PTPRD: variants seen among roughly 807,000 people sequenced by gnomAD.
The protein encoded by PTPRD is protein tyrosine phosphatase receptor type D, also known as receptor-type tyrosine-protein phosphatase delta.
Under a neutral mutation model 214.5 loss-of-function variants are expected in PTPRD, and 34 were observed. The ratio of observed to expected loss-of-function variants is 0.16; its 90% CI spans 0.12 to 0.21. PTPRD has a LOEUF of 0.21. PTPRD is among the 10% of genes least tolerant of loss of function. The probability of loss-of-function intolerance (pLI) is 1.00; values close to 1 mark genes in which losing one functional copy is unlikely to be tolerated. For missense variants in PTPRD, 2,545 were observed against 2,398.7 expected, an observed-to-expected ratio of 1.06 and a Z score of -1.27; for synonymous variants, 1,128 against 845.7, an observed-to-expected ratio of 1.33 and a Z score of -5.79.
intron 8 of PTPRD, among the ~76,000 whole-genome samples, chr9:9,485,526 C>G (rs906838601): frequency 1.3e-5 from 2 of 152,044 alleles, no homozygotes; most frequent in South Asian, 4.1e-4. Context: ...ATATAATATT[C>G]ACTGCATTTT....
In PTPRD at chr9:9,243,578, T is replaced by A. The variant is rs182422575; in HGVS notation, c.-202-60215A>T. 2.6e-5 allele frequency among the ~76,000 whole-genome samples: 4 copies of A among 152,206 alleles called. No individual in the cohort carries two copies. In the East Asian group the frequency reaches 7.8e-4, roughly 30 times the overall value. On this transcript the variant is annotated intron_variant, in intron 9 of 45. Coordinates refer to ENST00000381196, the MANE Select transcript of PTPRD (RefSeq NM_002839.4). Reference sequence around the variant, plus strand: ...CAATAGATTCAGAAAAGGCCTTCGATAAAATTCAACAATCTTCATGCTAAA... The same window carrying A: ...CAATAGATTCAGAAAAGGCCTTCGAAAAAATTCAACAATCTTCATGCTAAA...
intron 11 of PTPRD, among the ~76,000 whole-genome samples, chr9:8,774,512 G>T (rs60349370): frequency 0.046 from 6,672 of 143,906 alleles, 413 homozygotes; most frequent in African/African-American, 0.14. Context: ...TAACCAAAAT[G>T]CATGTGAAAA....
At chr9:9,304,036 G>A (rs2135034519) in intron 9 of PTPRD, among the ~76,000 whole-genome samples, 1 of 152,186 alleles carries the variant, frequency 6.6e-6, no homozygotes, top group East Asian at 1.9e-4. Flanking sequence ...AACTCTTTTA[G>A]CTATTGCTAC....
intron 30 of PTPRD, among the ~76,000 whole-genome samples, chr9:8,476,772 A>C (rs1371349102): frequency 6.6e-6 from 1 of 152,216 alleles, no homozygotes; most frequent in Non-Finnish European, 1.5e-5. Flanking sequence ...CACTGTAAAG[A>C]AAGTGGGTAC....
intron 9 of PTPRD, among the ~76,000 whole-genome samples, chr9:9,241,056 G>T (rs1261941983): frequency 1.3e-5 from 2 of 152,080 alleles, no homozygotes; most frequent in East Asian, 3.9e-4. Flanking sequence ...TCTAATAAAT[G>T]AACTGAGTGA....
chr9:9,269,179 A>T (rs764027811), intron 9 of PTPRD, among the ~76,000 whole-genome samples: 1 of 151,330 alleles, frequency 6.6e-6, no homozygotes, highest in Non-Finnish European at 1.5e-5. Flanking sequence ...AAGCTAAATA[A>T]CCTTATTTAA....
intron 5 of PTPRD, among the ~76,000 whole-genome samples, chr9:9,889,665 T>A (rs1255398774): frequency 6.6e-6 from 1 of 152,164 alleles, no homozygotes; most frequent in Non-Finnish European, 1.5e-5. Flanking sequence ...TCTAAATATT[T>A]CTCCTTTGCT....
At chr9:10,281,533 AT>A (rs1283095801) in intron 3 of PTPRD, among the ~76,000 whole-genome samples, 3 of 152,210 alleles carry the variant, frequency 2.0e-5, no homozygotes, top group African/African-American at 7.2e-5. Context: ...ACTATGGTTC[AT>A]TTAAGACTAG....
intron 11 of PTPRD, among the ~76,000 whole-genome samples, chr9:8,990,727 C>A (rs1159973201): frequency 6.6e-6 from 1 of 152,068 alleles, no homozygotes; most frequent in Non-Finnish European, 1.5e-5. Context: ...TGATAGTAGT[C>A]ATAAGACCCC....
chr9:9,820,195 G>A (rs909992388), intron 5 of PTPRD, among the ~76,000 whole-genome samples: 5 of 151,942 alleles, frequency 3.3e-5, no homozygotes, highest in African/African-American at 7.3e-5. Context: ...TGGTGCATAC[G>A]GTATCTCATT....
At chr9:9,909,237 T>A (rs1024064646) in intron 5 of PTPRD, among the ~76,000 whole-genome samples, 7 of 151,878 alleles carry the variant, frequency 4.6e-5, no homozygotes, top group African/African-American at 1.7e-4. Context: ...TAGAGTGTAT[T>A]TTTCTTCTCT....
intron 9 of PTPRD, among the ~76,000 whole-genome samples, chr9:9,254,206 C>T (rs142988541): frequency 1.6e-3 from 250 of 152,008 alleles, no homozygotes; most frequent in Non-Finnish European, 3.0e-3. Flanking sequence ...GGGGGCGGGG[C>T]GGGGCACCAT....
chr9:8,712,569 A>G (rs975984079), intron 12 of PTPRD, among the ~76,000 whole-genome samples: 6 of 152,218 alleles, frequency 3.9e-5, no homozygotes, highest in African/African-American at 1.4e-4. Context: ...ACAAAGCTAG[A>G]GACAGAATGC....
intron 4 of PTPRD, among the ~76,000 whole-genome samples, chr9:9,979,918 G>GA (rs1361695847): frequency 1.3e-5 from 2 of 152,086 alleles, no homozygotes; most frequent in African/African-American, 2.4e-5. Flanking sequence ...AAATTGTCTT[G>GA]AAAAAATCCA....
chr9:8,917,917 T>A (rs12552175), intron 11 of PTPRD, among the ~76,000 whole-genome samples: 3 of 152,086 alleles, frequency 2.0e-5, no homozygotes, highest in Admixed American at 6.6e-5. Context: ...ATGCCCATTC[T>A]CCCACCACAC....
At chr9:9,363,647 C>A (rs1253822659) in intron 9 of PTPRD, among the ~76,000 whole-genome samples, 1 of 151,230 alleles carries the variant, frequency 6.6e-6, no homozygotes, top group Non-Finnish European at 1.5e-5. Context: ...TGGAAGTGGT[C>A]TTGGCACATA....
chr9:10,172,906 A>G (rs2099219626), intron 3 of PTPRD, among the ~76,000 whole-genome samples: 1 of 152,070 alleles, frequency 6.6e-6, no homozygotes, highest in African/African-American at 2.4e-5. Flanking sequence ...GGAGATACCC[A>G]TGCATACTTA....
chr9:9,481,427 T>A (rs1325634746), intron 8 of PTPRD, among the ~76,000 whole-genome samples: 2 of 152,158 alleles, frequency 1.3e-5, no homozygotes, highest in Non-Finnish European at 2.9e-5. Flanking sequence ...CAAAATAGCA[T>A]AATTTTCTGT....
intron 3 of PTPRD, among the ~76,000 whole-genome samples, chr9:10,280,282 T>G (rs1259425555): frequency 2.6e-5 from 4 of 151,962 alleles, no homozygotes; most frequent in East Asian, 3.9e-4. Flanking sequence ...AGGTTGAAAT[T>G]TTTCTAGATT....
Sources: gnomAD v4.1 joint callset for allele counts (sites outside exome capture counted in the v4.1 genomes callset) on GRCh38, gnomAD v4.1.1 for gene constraint, MANE v1.5 for transcripts, NCBI Gene and HGNC (gene_info 2026-07-23, HGNC 2026-07-21) for gene names.